KYAT1: variants seen among roughly 807,000 people sequenced by gnomAD.
The protein encoded by KYAT1 is kynurenine--oxoglutarate transaminase 1.
KYAT1 carries 47 observed loss-of-function variants against 52.4 expected under a neutral mutation model. The observed-to-expected ratio is 0.90, with a 90% confidence interval of 0.71 to 1.14. The LOEUF is 1.14. Among genes scored for constraint, KYAT1 ranks in the 50% most tolerant of loss-of-function variants. The pLI is 0.00. For missense variants in KYAT1, 480 were observed against 557.9 expected, an observed-to-expected ratio of 0.86 and a Z score of 1.41; for synonymous variants, 212 against 209.6, an observed-to-expected ratio of 1.01 and a Z score of -0.10.
intron 2 of KYAT1, among the ~76,000 whole-genome samples, chr9:128,844,179 T>C (rs1466088087): frequency 6.6e-6 from 1 of 152,116 alleles, no homozygotes; most frequent in Non-Finnish European, 1.5e-5. Flanking sequence ...GGTATGTGGT[T>C]TGGGGCTAGT....
intron 1 of KYAT1, among the ~76,000 whole-genome samples, chr9:128,874,256 C>CA (rs200368642): frequency 9.8e-4 from 132 of 134,212 alleles, no homozygotes; most frequent in African/African-American, 1.5e-3. Context: ...AACTTCATTC[C>CA]AAAAAAAAAA....
At chr9:128,856,703 G>A (rs1053871854) in intron 1 of KYAT1, among the ~76,000 whole-genome samples, 1 of 152,192 alleles carries the variant, frequency 6.6e-6, no homozygotes, top group African/African-American at 2.4e-5. Flanking sequence ...AGTATGCTTG[G>A]TAAAAGTCAT....
chr9:128,865,312 TA>T (rs1836064436), intron 1 of KYAT1, among the ~76,000 whole-genome samples: 1 of 2,474 alleles, frequency 4.0e-4, no homozygotes, highest in Non-Finnish European at 6.2e-4. Context: ...AGCCTACATA[TA>T]TATATATATA....
At chr9:128,872,970 G>A (rs541221576) in intron 1 of KYAT1, among the ~76,000 whole-genome samples, 2 of 151,170 alleles carry the variant, frequency 1.3e-5, no homozygotes, top group Non-Finnish European at 2.9e-5. Context: ...CAGCTACTTC[G>A]GAGGCTGAGG....
At chr9:128,862,934 C>T (rs989148404) in intron 1 of KYAT1, among the ~76,000 whole-genome samples, 9 of 152,302 alleles carry the variant, frequency 5.9e-5, no homozygotes, top group Admixed American at 3.3e-4. Flanking sequence ...AAGTGATTCT[C>T]ATGCCTCAGC....
chr9:128,838,471 C>T, intron 3 of KYAT1, 104 bp from the exon 4 acceptor site: 1 of 1,371,820 alleles, frequency 7.3e-7, no homozygotes, highest in Non-Finnish European at 1.0e-6. Flanking sequence ...GGCCTGGGGG[C>T]AAAGTCAGGT....
intron 1 of KYAT1, among the ~76,000 whole-genome samples, chr9:128,854,034 G>A (rs1834286138): frequency 6.6e-6 from 1 of 152,228 alleles, no homozygotes; most frequent in African/African-American, 2.4e-5. Context: ...TTGTTTTGCT[G>A]TCATGGGAGT....
rs527943772 is a variant in KYAT1, at chr9:128,866,248, A to T, written c.-7+15649T>A. ...GCAAATATTTGTATAAATCGACAAC[A>T]AAAGACCAGCATCTCAATAAGAAAA... On this transcript the variant is annotated intron_variant, in intron 1 of 12. Coordinates refer to ENST00000302586, the MANE Select transcript of KYAT1 (RefSeq NM_004059.5). Among the ~76,000 whole-genome samples, 7 of 152,308 alleles carry T rather than the reference A, an allele frequency of 4.6e-5. No individual in the cohort carries two copies. The South Asian group carries it at 1.5e-3, about 32-fold the overall frequency.
At chr9:128,876,133 T>C (rs1274159252) in intron 1 of KYAT1, among the ~76,000 whole-genome samples, 2 of 151,874 alleles carry the variant, frequency 1.3e-5, no homozygotes, top group Non-Finnish European at 2.9e-5. Flanking sequence ...AGAGATAGGG[T>C]CTCGCTTTGT....
At chr9:128,881,382 A>G (rs1271123543) in intron 1 of KYAT1, among the ~76,000 whole-genome samples, 1 of 152,146 alleles carries the variant, frequency 6.6e-6, no homozygotes, top group Non-Finnish European at 1.5e-5. Context: ...CAACCGGCCC[A>G]ACGCTGTTTT....
At chr9:128,865,167 G>A (rs1474406552) in intron 1 of KYAT1, among the ~76,000 whole-genome samples, 12 of 144,522 alleles carry the variant, frequency 8.3e-5, no homozygotes, top group Non-Finnish European at 1.6e-4. Flanking sequence ...TGGGGCTGAA[G>A]TGAGCCATAA....
chr9:128,880,870 C>T (rs7046797), intron 1 of KYAT1, among the ~76,000 whole-genome samples: 8,436 of 152,208 alleles, frequency 0.055, 277 homozygotes, highest in African/African-American at 0.096. Flanking sequence ...ATGGGAGCCA[C>T]GACTATCTTC....
intron 1 of KYAT1, among the ~76,000 whole-genome samples, chr9:128,857,248 T>C (rs941287958): frequency 6.6e-6 from 1 of 152,238 alleles, no homozygotes; most frequent in African/African-American, 2.4e-5. Context: ...TCCTACTGCA[T>C]TCCTCTTGCT....
At chr9:128,844,667 G>A (rs1187086747) in intron 2 of KYAT1, among the ~76,000 whole-genome samples, 2 of 151,702 alleles carry the variant, frequency 1.3e-5, no homozygotes, top group Admixed American at 1.3e-4. Flanking sequence ...TCCAGCCTGG[G>A]TGACAGAGTA....
intron 1 of KYAT1, among the ~76,000 whole-genome samples, chr9:128,880,259 G>A (rs536621075): frequency 6.6e-6 from 1 of 152,228 alleles, no homozygotes; most frequent in South Asian, 2.1e-4. Context: ...TTCAACGTTT[G>A]CTTTTCACAC....
chr9:128,855,552 C>T (rs935844484), intron 1 of KYAT1, among the ~76,000 whole-genome samples: 2 of 152,146 alleles, frequency 1.3e-5, no homozygotes, highest in Non-Finnish European at 2.9e-5. Context: ...TGTGTAAAAC[C>T]CTCTTATATG....
chr9:128,874,722 C>CTT (rs201788280), intron 1 of KYAT1, among the ~76,000 whole-genome samples: 70 of 123,678 alleles, frequency 5.7e-4, no homozygotes, highest in Non-Finnish European at 7.8e-4. Flanking sequence ...ATAATCCTGC[C>CTT]TTTTTTTTTT....
chr9:128,858,933 T>C (rs1835064463), intron 1 of KYAT1, among the ~76,000 whole-genome samples: 1 of 124,600 alleles, frequency 8.0e-6, no homozygotes, highest in South Asian at 2.5e-4. Flanking sequence ...GCTTGGAGGC[T>C]AAAGTGAGCT....
intron 2 of KYAT1, among the ~76,000 whole-genome samples, chr9:128,844,639 G>A (rs1245625637): frequency 5.9e-5 from 9 of 151,958 alleles, no homozygotes; most frequent in Non-Finnish European, 1.3e-4. Flanking sequence ...GCAGTGAGCC[G>A]AGATCATGCC....
Sources: gnomAD v4.1 joint callset for allele counts (sites outside exome capture counted in the v4.1 genomes callset) on GRCh38, gnomAD v4.1.1 for gene constraint, MANE v1.5 for transcripts, NCBI Gene and HGNC (gene_info 2026-07-23, HGNC 2026-07-21) for gene names.